Variants in LRP12 observed in about 807,000 individuals in gnomAD.
LRP12 encodes the protein low-density lipoprotein receptor-related protein 12.
Under a neutral mutation model 66.0 loss-of-function variants are expected in LRP12, and 14 were observed. The observed-to-expected ratio is 0.21, with a 90% CI of 0.14 to 0.33. The LOEUF (loss-of-function observed/expected upper bound fraction) is 0.33. Among genes scored for constraint, LRP12 ranks in the 10% least tolerant of loss-of-function variants. The pLI, the probability that LRP12 is intolerant of heterozygous loss-of-function variation, is 1.00. For missense variants in LRP12, 889 were observed against 1,053.4 expected (o/e 0.84, Z 2.16); for synonymous variants, 357 against 359.1 (o/e 0.99, Z 0.07).
intron 3 of LRP12, chr8:104,508,436 T>G (rs1810940847): frequency 6.6e-6 from 1 of 152,242 alleles, no homozygotes; most frequent in Non-Finnish European, 1.5e-5. Context: ...TGTTTCGAAG[T>G]TATAAACAAA....
At chr8:104,538,264 C>T (rs1010603767) in intron 1 of LRP12, among the ~76,000 whole-genome samples, 3 of 152,088 alleles carry the variant, frequency 2.0e-5, no homozygotes, top group Non-Finnish European at 4.4e-5. Context: ...AAATCCAATG[C>T]CTTGTCCTTG....
chr8:104,495,124 C>G lies in LRP12; in HGVS notation c.1666G>C (p.Gly556Arg). The change falls in exon 6 of 7, where the codon GGT (glycine) becomes CGT (arginine). Residue 556 changes from glycine (G) to arginine (R), a missense_variant. Gly to Arg is a moderately radical substitution (Grantham distance 125). This residue lies in a region of LRP12 where 800 missense variants were observed against 964.5 expected (regional missense o/e 0.83). Coordinates refer to ENST00000276654, the MANE Select transcript of LRP12 (RefSeq NM_013437.5). Reference sequence around the variant, plus strand: ...AAATCTTCAACTGGTGGAATTAAACCCTGAGCAATCAATTGTCCATACGAG... The same window carrying G: ...AAATCTTCAACTGGTGGAATTAAACGCTGAGCAATCAATTGTCCATACGAG... ...PPSYGQLIAQ[G>R]LIPPVEDFPV... The G allele has an allele frequency of 6.2e-7, 1 of 1,613,724 alleles. No homozygotes were observed. Among genetic ancestry groups the G allele is most frequent in the Non-Finnish European group, 8.5e-7 (1 of 1,179,816 alleles).
At chr8:104,539,541 T>C (rs1197626763) in intron 1 of LRP12, among the ~76,000 whole-genome samples, 1 of 152,018 alleles carries the variant, frequency 6.6e-6, no homozygotes, top group Non-Finnish European at 1.5e-5. Context: ...ACACAAAATA[T>C]TCTGGATTTG....
chr8:104,564,865 C>T (rs985593566), intron 1 of LRP12, among the ~76,000 whole-genome samples: 5 of 150,974 alleles, frequency 3.3e-5, no homozygotes, highest in South Asian at 2.1e-4. Context: ...CCTGGGAAGT[C>T]GAGGTTGCAG....
intron 1 of LRP12, among the ~76,000 whole-genome samples, chr8:104,584,434 C>G (rs1410821328): frequency 2.0e-5 from 3 of 151,744 alleles, no homozygotes; most frequent in Admixed American, 1.3e-4. Context: ...AAAAGGCCCT[C>G]TTGTTCCCTT....
intron 1 of LRP12, among the ~76,000 whole-genome samples, chr8:104,573,284 T>C (rs1012175591): frequency 7.9e-5 from 12 of 152,212 alleles, no homozygotes; most frequent in African/African-American, 2.9e-4. Flanking sequence ...CAAATTAGTT[T>C]GGTCTTAAAG....
intron 1 of LRP12, among the ~76,000 whole-genome samples, chr8:104,551,867 T>G (rs1811730063): frequency 6.6e-6 from 1 of 152,194 alleles, no homozygotes; most frequent in Admixed American, 6.5e-5. Context: ...CCAGCAACCA[T>G]CTCCCAATTT....
chr8:104,567,861 G>C (rs996246462), intron 1 of LRP12, among the ~76,000 whole-genome samples: 1 of 152,200 alleles, frequency 6.6e-6, no homozygotes. Flanking sequence ...ATGCTCTACA[G>C]ATTCCATGCA....
chr8:104,547,719 A>C (rs1220148253), intron 1 of LRP12, among the ~76,000 whole-genome samples: 1 of 125,392 alleles, frequency 8.0e-6, no homozygotes, highest in Non-Finnish European at 1.6e-5. Context: ...ATTCTATATT[A>C]TGTTATATTT....
At chr8:104,565,339 GA>G (rs539327690) in intron 1 of LRP12, among the ~76,000 whole-genome samples, 25 of 152,130 alleles carry the variant, frequency 1.6e-4, no homozygotes, top group Non-Finnish European at 3.4e-4. Flanking sequence ...ACATACTTGT[GA>G]AAACTGTAAA....
rs9694695 is a variant in LRP12, at chr8:104,588,934, G to A, written c.-37C>T. The A allele has an allele frequency of 6.4e-3, 9,475 of 1,491,706 alleles. 458 individuals carry two copies. The African/African-American group carries it at 0.11, about 18-fold the overall frequency. 92.4% of individuals were successfully genotyped at this position (1,491,706 alleles called of 1,614,324 possible). A position where few individuals can be genotyped will look rare whatever the true frequency, so the allele number is the denominator to read the frequency against. ...ATGGAGAGAGAGAGGAGGAGACGGA[G>A]GAGGAGGGAGGAGAAGCTGGAGGTA... On this transcript the variant is annotated 5_prime_UTR_variant, in exon 1 of 7. Transcript: ENST00000276654.
rs765539165 is a variant in LRP12, at chr8:104,491,225, A to G, written c.2028T>C (p.Pro676=). Residue 676 remains proline, a synonymous_variant, in exon 7 of 7, where the codon CCT becomes CCC. Coordinates refer to ENST00000276654, the MANE Select transcript of LRP12 (RefSeq NM_013437.5). ...CTGCCGTTGTGGGAGGGACTTTTTG[A>G]GGCAAAGGAGCTGCAACCCCACCAG... is the stretch of plus-strand genomic sequence containing the variant. ...GASGGVAAPL[P]QKVPPTTAVE... is the part of the protein sequence containing the mutation. The G allele has an allele frequency of 1.2e-6, 2 of 1,613,834 alleles. No individual in the cohort carries two copies. The highest frequency in any genetic ancestry group is 1.7e-6 in the Non-Finnish European group (2 of 1,179,940).
chr8:104,493,925 C>A (rs1370858192), intron 6 of LRP12, among the ~76,000 whole-genome samples: 3 of 152,184 alleles, frequency 2.0e-5, no homozygotes, highest in African/African-American at 7.2e-5. Context: ...TGTATCCTCT[C>A]CCTGTAATAA....
intron 2 of LRP12, among the ~76,000 whole-genome samples, chr8:104,521,865 G>C (rs1348008952): frequency 6.6e-6 from 1 of 151,820 alleles, no homozygotes; most frequent in Non-Finnish European, 1.5e-5. Context: ...TTAACAAGAG[G>C]TCCAGGTACC....
At chr8:104,539,962 C>T (rs926289669) in intron 1 of LRP12, among the ~76,000 whole-genome samples, 4 of 152,110 alleles carry the variant, frequency 2.6e-5, no homozygotes, top group Non-Finnish European at 4.4e-5. Context: ...AAAAGGCAGG[C>T]TTGATAGCGG....
chr8:104,581,100 G>A (rs1812242901), intron 1 of LRP12, among the ~76,000 whole-genome samples: 1 of 152,172 alleles, frequency 6.6e-6, no homozygotes, highest in Non-Finnish European at 1.5e-5. Flanking sequence ...ATACTATGTA[G>A]TCATAAAAAA....
At chr8:104,573,742 A>T (rs954891359) in intron 1 of LRP12, among the ~76,000 whole-genome samples, 1 of 151,780 alleles carries the variant, frequency 6.6e-6, no homozygotes, top group Non-Finnish European at 1.5e-5. Context: ...TAAACACTGA[A>T]CTCAACAAAA....
At chr8:104,501,286 C>A (rs1056332377) in intron 3 of LRP12, among the ~76,000 whole-genome samples, 2 of 152,012 alleles carry the variant, frequency 1.3e-5, no homozygotes, top group Non-Finnish European at 2.9e-5. Flanking sequence ...TTTATGTACA[C>A]TTCCCTGAAG....
intron 5 of LRP12, 75 bp downstream of exon 5, chr8:104,496,897 T>TA (rs1341000036): frequency 2.2e-6 from 3 of 1,356,778 alleles, no homozygotes; most frequent in Non-Finnish European, 2.9e-6. Context: ...AATACATTGC[T>TA]AATCATCAAA....
Sources: allele counts gnomAD v4.1 joint callset (sites outside exome capture counted in the v4.1 genomes callset), GRCh38; gene constraint gnomAD v4.1.1; regional missense constraint gnomAD v4.1.1; transcripts MANE v1.5; gene names NCBI Gene and HGNC (gene_info 2026-07-23, HGNC 2026-07-21).